PDE1C: variants seen among roughly 807,000 people sequenced by gnomAD.
PDE1C encodes the protein dual specificity calcium/calmodulin-dependent 3',5'-cyclic nucleotide phosphodiesterase 1C.
Under a neutral mutation model 93.1 loss-of-function variants are expected in PDE1C, and 62 were observed. That is an observed-to-expected ratio of 0.67 (90% CI 0.54 to 0.82). The LOEUF is 0.82. PDE1C is among the 40% of genes least tolerant of loss of function. PDE1C has a pLI of 0.00. For synonymous variants in PDE1C, 325 were observed against 310.1 expected (o/e 1.05, Z -0.50); for missense variants, 742 against 884.6 (o/e 0.84, Z 2.04).
At chr7:32,016,249 A>G (rs1787894359) in intron 2 of PDE1C, among the ~76,000 whole-genome samples, 1 of 152,304 alleles carries the variant, frequency 6.6e-6, no homozygotes, top group East Asian at 1.9e-4. Flanking sequence ...CTGCCGCTTT[A>G]ATAAAGCTGT....
At chr7:32,119,223 G>A (rs1459582725) in intron 3 of PDE1C, among the ~76,000 whole-genome samples, 1 of 152,138 alleles carries the variant, frequency 6.6e-6, no homozygotes, top group Admixed American at 6.5e-5. Flanking sequence ...GGAAGGAAGG[G>A]AGACTGCAAA....
chr7:32,420,905 CA>C (rs548524356), intron 1 of PDE1C, among the ~76,000 whole-genome samples: 2 of 152,020 alleles, frequency 1.3e-5, no homozygotes, highest in Non-Finnish European at 2.9e-5. Flanking sequence ...CCACAAAAAT[CA>C]AATCAGTGTC....
At chr7:32,265,081 AACAG>A (rs1184234936) in intron 1 of PDE1C, among the ~76,000 whole-genome samples, 1 of 152,228 alleles carries the variant, frequency 6.6e-6, no homozygotes, top group African/African-American at 2.4e-5. Context: ...CAGTTAACAA[AACAG>A]ACAGAGTGGC....
At chr7:32,274,209 A>ATTTT (rs1263722575) in intron 1 of PDE1C, among the ~76,000 whole-genome samples, 1 of 144,130 alleles carries the variant, frequency 6.9e-6, no homozygotes, top group Admixed American at 7.0e-5. Context: ...TAGTTTTTTA[A>ATTTT]TTTTTTTTTT....
At chr7:32,153,411 TGAAA>T (rs1201311729) in intron 3 of PDE1C, among the ~76,000 whole-genome samples, 1 of 152,054 alleles carries the variant, frequency 6.6e-6, no homozygotes, top group Non-Finnish European at 1.5e-5. Flanking sequence ...TTAATGGTCA[TGAAA>T]GAAACGGTGA....
chr7:32,063,364 T>C (rs146550664), intron 1 of PDE1C, among the ~76,000 whole-genome samples: 1,675 of 152,322 alleles, frequency 0.011, 36 homozygotes, highest in African/African-American at 0.038. Flanking sequence ...TTTTCTTCCA[T>C]GTGGGGAAAT....
chr7:31,719,253 G>T, the PDE1C span, among the ~76,000 whole-genome samples: 9 of 152,124 alleles, frequency 5.9e-5, no homozygotes, highest in African/African-American at 2.2e-4. Flanking sequence ...CCTAGTACTC[G>T]AGATGGACCT....
chr7:32,329,850 C>G (rs557820638), intron 1 of PDE1C, among the ~76,000 whole-genome samples: 1 of 152,068 alleles, frequency 6.6e-6, no homozygotes, highest in Non-Finnish European at 1.5e-5. Context: ...TCCTTTATGC[C>G]GAAAACCGGT....
At chr7:32,125,726 G>T (rs1799537766) in intron 3 of PDE1C, among the ~76,000 whole-genome samples, 1 of 151,994 alleles carries the variant, frequency 6.6e-6, no homozygotes, top group African/African-American at 2.4e-5. Context: ...TGGGGGTTGG[G>T]GGGCGAGGGG....
intron 2 of PDE1C, among the ~76,000 whole-genome samples, chr7:32,207,882 C>T (rs1202726375): frequency 6.6e-6 from 1 of 152,246 alleles, no homozygotes; most frequent in Non-Finnish European, 1.5e-5. Flanking sequence ...GCCTCTGGGA[C>T]TCCCATGGGG....
chr7:32,013,063 C>T (rs564554275), intron 2 of PDE1C, among the ~76,000 whole-genome samples: 5 of 152,178 alleles, frequency 3.3e-5, no homozygotes, highest in Non-Finnish European at 5.9e-5. Context: ...CCAAGATGTA[C>T]AACTCATATT....
intron 2 of PDE1C, among the ~76,000 whole-genome samples, chr7:31,975,479 A>G (rs1177830729): frequency 6.6e-6 from 1 of 152,170 alleles, no homozygotes; most frequent in Non-Finnish European, 1.5e-5. Flanking sequence ...CAAGGATGGG[A>G]GTAACACTGA....
At chr7:32,118,507 T>A (rs2128761926) in intron 3 of PDE1C, among the ~76,000 whole-genome samples, 1 of 152,334 alleles carries the variant, frequency 6.6e-6, no homozygotes, top group African/African-American at 2.4e-5. Flanking sequence ...TCTTATAGTC[T>A]TGTTCCTGCT....
chr7:32,158,923 T>G (rs548963366), intron 3 of PDE1C, among the ~76,000 whole-genome samples: 6 of 152,310 alleles, frequency 3.9e-5, no homozygotes, highest in African/African-American at 1.4e-4. Context: ...CTGCCTCTTG[T>G]TCACACACCT....
At chr7:32,357,156 C>A (rs1238434026) in intron 1 of PDE1C, among the ~76,000 whole-genome samples, 1 of 152,048 alleles carries the variant, frequency 6.6e-6, no homozygotes, top group Admixed American at 6.5e-5. Context: ...CACTGTGAAA[C>A]CCCGTCTCTA....
chr7:32,135,886 T>C (rs1800177096), intron 3 of PDE1C, among the ~76,000 whole-genome samples: 2 of 152,186 alleles, frequency 1.3e-5, no homozygotes, highest in African/African-American at 4.8e-5. Context: ...CATCAGAGGA[T>C]GAATGAATAA....
intron 11 of PDE1C, among the ~76,000 whole-genome samples, chr7:31,836,265 C>T: frequency 6.6e-6 from 1 of 152,174 alleles, no homozygotes; most frequent in Admixed American, 6.5e-5. Flanking sequence ...ATTTATTTCC[C>T]TATTTCTCTA....
At chr7:31,789,492 T>C (rs1784349303) in intron 16 of PDE1C, 2 of 260,334 alleles carry the variant, frequency 7.7e-6, no homozygotes, top group Non-Finnish European at 1.2e-5. Context: ...ATGCTACCAG[T>C]GGAAACAATG....
At chr7:31,985,330 T>C (rs2129065686) in intron 2 of PDE1C, among the ~76,000 whole-genome samples, 1 of 152,312 alleles carries the variant, frequency 6.6e-6, no homozygotes, top group African/African-American at 2.4e-5. Context: ...ATATTTATGA[T>C]TGGCCCCCAA....
Sources: gnomAD v4.1 joint callset for allele counts (sites outside exome capture counted in the v4.1 genomes callset) on GRCh38, gnomAD v4.1.1 for gene constraint, MANE v1.5 for transcripts, NCBI Gene and HGNC (gene_info 2026-07-23, HGNC 2026-07-21) for gene names.